Variants in KCNMA1 observed in about 807,000 individuals in gnomAD.
The protein encoded by KCNMA1 is Calcium-activated potassium channel subunit alpha-1.
KCNMA1 carries 29 observed loss-of-function variants against 140.0 expected under a neutral mutation model. The observed-to-expected ratio is 0.21, with a 90% CI of 0.15 to 0.28. The LOEUF is 0.28. KCNMA1 is among the 10% of genes least tolerant of loss of function. The pLI is 1.00. For missense variants in KCNMA1, 880 were observed against 1,602.2 expected (o/e 0.55, Z 7.70); for synonymous variants, 612 against 611.9 (o/e 1.00, Z 0.00).
chr10:77,316,450 A>G (rs572502820), intron 2 of KCNMA1, among the ~76,000 whole-genome samples: 1 of 152,340 alleles, frequency 6.6e-6, no homozygotes, highest in East Asian at 1.9e-4. Flanking sequence ...AGTAGTTTAG[A>G]CCAACTCAAA....
chr10:77,029,137 C>T (rs2093725539), intron 15 of KCNMA1, among the ~76,000 whole-genome samples: 1 of 152,010 alleles, frequency 6.6e-6, no homozygotes, highest in Admixed American at 6.6e-5. Flanking sequence ...TTAGATGAAC[C>T]TATACACTTA....
rs760442123 is a variant in KCNMA1 at position 77,039,565 on chromosome 10, T to C, written c.1822A>G (p.Ser608Gly). The C allele has an allele frequency of 5.6e-6, 9 of 1,611,858 alleles. No individual in the cohort carries two copies. The highest frequency in any genetic ancestry group is 7.6e-6 in the Non-Finnish European group (9 of 1,178,038). The change falls in exon 15 of 28, where the codon AGT becomes GGT. Residue 608 changes from serine to glycine, a missense_variant. By Grantham distance (56) the Ser-to-Gly change is moderately conservative. This residue lies in a region of KCNMA1 where 198 missense variants were observed against 580.1 expected (regional missense o/e 0.34). Transcript: ENST00000286628. ...SNEMYTEYLSSAFVGLSFPTV... is the reference protein window; with the variant it reads ...SNEMYTEYLSGAFVGLSFPTV... Reference sequence around the variant, plus strand: ...GGGAAGGACAGACCCACGAAGGCACTGGAGAGATATTCTGTGTACATTTCA... The same window carrying C: ...GGGAAGGACAGACCCACGAAGGCACCGGAGAGATATTCTGTGTACATTTCA...
In KCNMA1 at chr10:77,215,934, G is replaced by A. The variant is rs551700745; in HGVS notation, c.603-31018C>T. ...CTCTCTCTCTCTCTCTCTCTCTGCC[G>A]TGTGAGGACACAGCAAGAAGGTGGC... On this transcript the variant is annotated intron_variant, in intron 3 of 27. Transcript: ENST00000286628. Among the ~76,000 whole-genome samples the A allele has an allele frequency of 4.8e-4, 71 of 147,658 alleles. 2 individuals are homozygous for A. In the South Asian group the frequency reaches 0.014, roughly 28 times the overall value.
chr10:77,631,314 AAG>A (rs1050697790), intron 1 of KCNMA1, among the ~76,000 whole-genome samples: 5 of 152,080 alleles, frequency 3.3e-5, no homozygotes, highest in African/African-American at 1.2e-4. Context: ...GCAGTTCTAA[AAG>A]AGACATCCTT....
intron 14 of KCNMA1, chr10:77,063,779 T>G (rs1247761): frequency 0.91 from 897,860 of 985,250 alleles, 409,393 homozygotes; most frequent in African/African-American, 0.98. Flanking sequence ...AAGTCAAAAA[T>G]TTGGAAGAGT....
chr10:77,520,121 G>C (rs77800909), intron 1 of KCNMA1, among the ~76,000 whole-genome samples: 38 of 44,956 alleles, frequency 8.5e-4, no homozygotes, highest in South Asian at 3.4e-3. Context: ...TGTGAGGTCC[G>C]GGGTATGCAG....
intron 1 of KCNMA1, among the ~76,000 whole-genome samples, chr10:77,450,924 G>C (rs1603623589): frequency 6.6e-6 from 1 of 152,172 alleles, no homozygotes; most frequent in Non-Finnish European, 1.5e-5. Flanking sequence ...ATAGTGAATA[G>C]GTCTCATGAG....
At chr10:77,297,498 G>A (rs1008746533) in intron 2 of KCNMA1, among the ~76,000 whole-genome samples, 5 of 152,256 alleles carry the variant, frequency 3.3e-5, no homozygotes, top group Admixed American at 6.5e-5. Context: ...TGGTTGTCAT[G>A]CATGGTCCAT....
At chr10:76,992,461 C>A in intron 19 of KCNMA1, among the ~76,000 whole-genome samples, 1 of 152,170 alleles carries the variant, frequency 6.6e-6, no homozygotes, top group Admixed American at 6.5e-5. Flanking sequence ...GCTGGGGAAG[C>A]AGAACCCCTG....
chr10:77,015,525 A>T (rs1382677656), intron 17 of KCNMA1, among the ~76,000 whole-genome samples: 1 of 152,132 alleles, frequency 6.6e-6, no homozygotes, highest in African/African-American at 2.4e-5. Flanking sequence ...GACAAGAAAC[A>T]GCACCCACAT....
intron 1 of KCNMA1, among the ~76,000 whole-genome samples, chr10:77,441,691 T>A (rs550539715): frequency 6.6e-6 from 1 of 152,026 alleles, no homozygotes; most frequent in Non-Finnish European, 1.5e-5. Flanking sequence ...CTCTCTCCCC[T>A]CTCTTCCCTC....
intron 1 of KCNMA1, among the ~76,000 whole-genome samples, chr10:77,458,480 C>T (rs754950826): frequency 5.9e-5 from 9 of 152,184 alleles, no homozygotes; most frequent in Admixed American, 2.0e-4. Context: ...TGAACAAACA[C>T]GAATCTCAAC....
chr10:77,459,289 A>G (rs2097814043), intron 1 of KCNMA1, among the ~76,000 whole-genome samples: 1 of 152,188 alleles, frequency 6.6e-6, no homozygotes, highest in Non-Finnish European at 1.5e-5. Flanking sequence ...CTTCTTCGCA[A>G]TGGGAATGTG....
At chr10:77,060,346 T>A (rs528375735) in intron 14 of KCNMA1, among the ~76,000 whole-genome samples, 2 of 152,220 alleles carry the variant, frequency 1.3e-5, no homozygotes, top group African/African-American at 4.8e-5. Flanking sequence ...TGAAGCTCAA[T>A]GGAGTTTGCC....
At chr10:76,976,158 A>G (rs2077446129) in intron 19 of KCNMA1, among the ~76,000 whole-genome samples, 1 of 152,212 alleles carries the variant, frequency 6.6e-6, no homozygotes, top group South Asian at 2.1e-4. Context: ...AAAATGTCTA[A>G]GTGACCTGTA....
At chr10:77,518,344 C>T (rs1567282414) in intron 1 of KCNMA1, among the ~76,000 whole-genome samples, 1 of 152,246 alleles carries the variant, frequency 6.6e-6, no homozygotes, top group Non-Finnish European at 1.5e-5. Flanking sequence ...ACTATATCTT[C>T]AGCACCCAGA....
At chr10:77,381,934 T>A (rs1026187063) in intron 2 of KCNMA1, among the ~76,000 whole-genome samples, 1 of 152,148 alleles carries the variant, frequency 6.6e-6, no homozygotes, top group Non-Finnish European at 1.5e-5. Flanking sequence ...AGGCTTGACG[T>A]CAATTAAATC....
intron 9 of KCNMA1, among the ~76,000 whole-genome samples, chr10:77,103,021 G>A (rs1023809800): frequency 8.5e-5 from 13 of 152,118 alleles, no homozygotes; most frequent in African/African-American, 1.4e-4. Context: ...TGAATGAACC[G>A]ATGGAGAGGG....
chr10:77,142,527 C>A (rs1006461872), intron 5 of KCNMA1, among the ~76,000 whole-genome samples: 2 of 152,010 alleles, frequency 1.3e-5, no homozygotes, highest in African/African-American at 4.8e-5. Flanking sequence ...AAGGGCTTCA[C>A]AATAATTCTA....
Sources: allele counts gnomAD v4.1 joint callset (sites outside exome capture counted in the v4.1 genomes callset), GRCh38; gene constraint gnomAD v4.1.1; regional missense constraint gnomAD v4.1.1; transcripts MANE v1.5; gene names NCBI Gene and HGNC (gene_info 2026-07-23, HGNC 2026-07-21).